NCALD: variants seen among roughly 807,000 people sequenced by gnomAD.
The protein encoded by NCALD is neurocalcin delta, also known as neurocalcin-delta.
NCALD carries 10 observed loss-of-function variants against 18.6 expected under a neutral mutation model. The observed-to-expected ratio is 0.54, with a 90% confidence interval of 0.33 to 0.91. The LOEUF (loss-of-function observed/expected upper bound fraction) is 0.91, where lower values mean the gene tolerates loss of function less well. NCALD is among the 40% of genes least tolerant of loss of function. NCALD has a pLI of 0.03. For synonymous variants in NCALD, 88 were observed against 87.4 expected (o/e 1.01, Z -0.04); for missense variants, 184 against 247.6 (o/e 0.74, Z 1.72).
At chr8:101,830,535 C>T (rs1336017148) in intron 4 of NCALD, among the ~76,000 whole-genome samples, 4 of 145,780 alleles carry the variant, frequency 2.7e-5, no homozygotes, top group East Asian at 2.0e-4. Flanking sequence ...GGTGACAGAG[C>T]GAGACTCCGT....
Position 102,104,944 on chromosome 8 carries a change from G to C in NCALD, c.-210+19293C>G, listed in dbSNP as rs145819568. On this transcript the variant is annotated intron_variant, in intron 1 of 6. Coordinates refer to the NCALD transcript ENST00000311028. ...GAACTTTGCAGTAACTATGGGGAAA[G>C]AGAAGCTCTCTGCTGGGATTGTTCA... Among the ~76,000 whole-genome samples the C allele has an allele frequency of 2.3e-3, 358 of 152,342 alleles. 4 individuals carry two copies. The highest frequency in any genetic ancestry group is 7.7e-3 in the African/African-American group (322 of 41,580).
intron 4 of NCALD, among the ~76,000 whole-genome samples, chr8:101,828,961 G>C (rs577228007): frequency 5.9e-5 from 9 of 151,418 alleles, no homozygotes; most frequent in African/African-American, 2.2e-4. Context: ...GGATGGGTGA[G>C]TGGGGTGGTG....
intron 4 of NCALD, among the ~76,000 whole-genome samples, chr8:101,871,569 G>A (rs1458312509): frequency 2.1e-5 from 3 of 141,298 alleles, no homozygotes; most frequent in African/African-American, 8.7e-5. Context: ...TTAATCCTCT[G>A]GAATTCAGAT....
intron 2 of NCALD, among the ~76,000 whole-genome samples, chr8:102,011,256 T>A (rs1821893959): frequency 6.6e-6 from 1 of 152,210 alleles, no homozygotes; most frequent in Non-Finnish European, 1.5e-5. Context: ...CTGTGCCCAA[T>A]CTGAGAACGT....
At chr8:102,047,751 AGCAG>A (rs1823299168) in intron 1 of NCALD, among the ~76,000 whole-genome samples, 1 of 152,170 alleles carries the variant, frequency 6.6e-6, no homozygotes, top group East Asian at 1.9e-4. Flanking sequence ...AATCTTACCT[AGCAG>A]GTACTATTAT....
At chr8:101,927,394 G>A (rs968322079) in intron 2 of NCALD, among the ~76,000 whole-genome samples, 2 of 152,180 alleles carry the variant, frequency 1.3e-5, no homozygotes, top group Non-Finnish European at 2.9e-5. Flanking sequence ...TGTTGTCAGG[G>A]AGCTGCAGCA....
chr8:101,834,454 C>A (rs1009135402), intron 4 of NCALD, among the ~76,000 whole-genome samples: 1 of 152,210 alleles, frequency 6.6e-6, no homozygotes, highest in Non-Finnish European at 1.5e-5. Flanking sequence ...GCTAGGCCAC[C>A]GGATGGGCCT....
At chr8:102,061,741 G>A (rs537707071) in intron 1 of NCALD, among the ~76,000 whole-genome samples, 12 of 152,192 alleles carry the variant, frequency 7.9e-5, no homozygotes, top group African/African-American at 1.2e-4. Flanking sequence ...CAGCCCAGCC[G>A]CCACAGACCT....
intron 1 of NCALD, among the ~76,000 whole-genome samples, chr8:102,086,033 G>A (rs503985): frequency 0.86 from 130,118 of 152,164 alleles, 56,256 homozygotes; most frequent in African/African-American, 0.97. Flanking sequence ...GAAAGAGTCA[G>A]CAGTAAACAT....
chr8:101,705,483 C>T (rs962952741), intron 2 of NCALD, among the ~76,000 whole-genome samples: 4 of 152,094 alleles, frequency 2.6e-5, no homozygotes, highest in African/African-American at 9.7e-5. Flanking sequence ...TCTAATCCCA[C>T]ACAATCCTCC....
intron 1 of NCALD, among the ~76,000 whole-genome samples, chr8:102,068,217 T>C (rs1381047494): frequency 6.6e-6 from 1 of 151,722 alleles, no homozygotes; most frequent in Non-Finnish European, 1.5e-5. Flanking sequence ...AGACCAGGAG[T>C]GATCAGGGAG....
intron 3 of NCALD, among the ~76,000 whole-genome samples, chr8:101,894,586 A>T (rs1383957543): frequency 6.9e-6 from 1 of 144,190 alleles, no homozygotes; most frequent in African/African-American, 2.8e-5. Context: ...TGGTTTTTTG[A>T]AAGGATCAAC....
At chr8:101,774,926 C>T (rs1811730708) in intron 1 of NCALD, among the ~76,000 whole-genome samples, 1 of 152,182 alleles carries the variant, frequency 6.6e-6, no homozygotes, top group African/African-American at 2.4e-5. Flanking sequence ...GCCCAGATAT[C>T]CAGGTCTGAC....
intron 4 of NCALD, among the ~76,000 whole-genome samples, chr8:101,844,391 G>T (rs1012346116): frequency 1.3e-5 from 2 of 150,342 alleles, no homozygotes; most frequent in East Asian, 3.9e-4. Context: ...ATGAGGGTCT[G>T]GCTCTTTGAT....
At position 101,977,083 on chromosome 8, in the gene NCALD, G is replaced by T. The variant is rs1045612784; in HGVS notation, c.-157+43154C>A. Among the ~76,000 whole-genome samples the T allele has an allele frequency of 4.6e-5, 7 of 151,844 alleles. 1 individual carries two copies. The highest frequency in any genetic ancestry group is 4.6e-4 in the Admixed American group (7 of 15,254). ...AAATTTAAATTTAAAGAGAAACAAA[G>T]ACATTAAAAATGTGAGTTCTTTGGC... On this transcript the variant is annotated intron_variant, in intron 2 of 6. Coordinates refer to the NCALD transcript ENST00000311028.
At chr8:101,879,527 A>G (rs1179727649) in intron 4 of NCALD, among the ~76,000 whole-genome samples, 1 of 152,198 alleles carries the variant, frequency 6.6e-6, no homozygotes, top group Non-Finnish European at 1.5e-5. Flanking sequence ...CAACAGCAAG[A>G]GCTGCAAAAG....
intron 2 of NCALD, among the ~76,000 whole-genome samples, chr8:101,710,586 C>T (rs1437541289): frequency 1.3e-5 from 2 of 152,200 alleles, no homozygotes; most frequent in African/African-American, 2.4e-5. Flanking sequence ...CAGGGAGGGG[C>T]GTCTGCCATT....
chr8:101,815,959 T>C (rs777064443), intron 4 of NCALD, among the ~76,000 whole-genome samples: 1 of 152,052 alleles, frequency 6.6e-6, no homozygotes, highest in Non-Finnish European at 1.5e-5. Flanking sequence ...TATTTAGTGC[T>C]AAAAAAGAAT....
intron 4 of NCALD, among the ~76,000 whole-genome samples, chr8:101,820,235 A>T (rs746347600): frequency 5.3e-5 from 8 of 152,214 alleles, no homozygotes; most frequent in Non-Finnish European, 8.8e-5. Flanking sequence ...ACCAAAATTT[A>T]AGGTGTCTTT....
Sources: allele counts gnomAD v4.1 joint callset (sites outside exome capture counted in the v4.1 genomes callset), GRCh38; gene constraint gnomAD v4.1.1; transcripts MANE v1.5; gene names NCBI Gene and HGNC (gene_info 2026-07-23, HGNC 2026-07-21).